Variants in ALAS2 observed in about 807,000 individuals in gnomAD.
The protein encoded by ALAS2 is 5'-aminolevulinate synthase 2, also known as 5-aminolevulinate synthase, erythroid-specific, mitochondrial.
In ALAS2, 3 loss-of-function variants were observed where a neutral mutation model predicts 33.7. The ratio of observed to expected loss-of-function variants is 0.09; its 90% CI spans 0.04 to 0.23. The LOEUF is 0.23. ALAS2 is among the 10% of genes least tolerant of loss of function. The pLI is 1.00. For synonymous variants in ALAS2, 191 were observed against 177.3 expected (o/e 1.08, Z -0.61); for missense variants, 304 against 475.1 (o/e 0.64, Z 3.35).
At chrX:55,010,508 A>T (rs1328641832) in intron 10 of ALAS2, among the ~76,000 whole-genome samples, 1 of 110,402 alleles carries the variant, frequency 9.1e-6, no homozygotes. Context: ...CATTCCACCC[A>T]CACCCATCTT....
rs1388506604 is a variant in ALAS2, at chrX:55,015,963, G to C, written c.1004-221C>G. 0.029 allele frequency among the ~76,000 whole-genome samples: 937 copies of C among 32,869 alleles called. 12 individuals are homozygous for C. The highest frequency in any genetic ancestry group is 0.13 in the African/African-American group (784 of 5,829). 28.5% of individuals were successfully genotyped at this position (32,869 alleles called of 115,157 possible). A position where few individuals can be genotyped will look rare whatever the true frequency, so the allele number is the denominator to read the frequency against. Reference sequence around the variant, plus strand: ...TCTCTCTCTCTCTCTGTCTCTCTGTGTGTGTGTGTGTGTGTGTGTGTGTGT... The same window carrying C: ...TCTCTCTCTCTCTCTGTCTCTCTGTCTGTGTGTGTGTGTGTGTGTGTGTGT... On this transcript the variant is annotated intron_variant, in intron 7 of 10. Coordinates refer to ENST00000650242, the MANE Select transcript of ALAS2 (RefSeq NM_000032.5).
At chrX:55,020,135 C>T (rs780111070) in intron 6 of ALAS2, among the ~76,000 whole-genome samples, 185 bp downstream of exon 6, 5 of 111,544 alleles carry the variant, frequency 4.5e-5, no homozygotes, top group African/African-American at 1.6e-4. Context: ...GTCCTCTCTA[C>T]GTGCAGAAGG....
intron 10 of ALAS2, among the ~76,000 whole-genome samples, chrX:55,012,092 T>TTGAA (rs1289525932): frequency 8.9e-6 from 1 of 111,862 alleles, no homozygotes; most frequent in African/African-American, 3.3e-5. Context: ...TTTAATGTTT[T>TTGAA]TGAATGAATG....
At chrX:55,025,052 A>G (rs183079183) in intron 2 of ALAS2, among the ~76,000 whole-genome samples, 1 of 111,388 alleles carries the variant, frequency 9.0e-6, no homozygotes, top group African/African-American at 3.3e-5. Flanking sequence ...GCTGGGATAG[A>G]GGAAGTACAT....
At chrX:55,028,640 G>T (rs1413725110) in intron 1 of ALAS2, among the ~76,000 whole-genome samples, 1 of 111,479 alleles carries the variant, frequency 9.0e-6, no homozygotes, top group Non-Finnish European at 1.9e-5. Flanking sequence ...GAATTCTCAA[G>T]TTCTTTCAAG....
At chrX:55,021,436 CTTCA>C (rs1219029866) in intron 4 of ALAS2, among the ~76,000 whole-genome samples, 162 bp from the exon 5 acceptor site, 1 of 112,494 alleles carries the variant, frequency 8.9e-6, no homozygotes, top group Non-Finnish European at 1.9e-5. Flanking sequence ...CTCTCTACTA[CTTCA>C]TTCAGCCATC....
At chrX:55,023,191 GGTGTGTGTGTGT>G (rs747543670) in intron 4 of ALAS2, among the ~76,000 whole-genome samples, 2 of 98,687 alleles carry the variant, frequency 2.0e-5, no homozygotes, top group African/African-American at 7.4e-5. Context: ...GAGAGCAGAG[GGTGTGTGTGTGT>G]GTGTGTGTGT....
In ALAS2 at chrX:55,021,270, G is replaced by A. The variant is rs749037026; in HGVS notation, c.420C>T (p.Asn140=). 5 of 1,201,266 alleles carry A rather than the reference G, an allele frequency of 4.2e-6. No individual in the cohort carries two copies. The South Asian group carries it at 5.3e-5, about 13-fold the overall frequency. Residue 140 remains asparagine (N), a synonymous_variant, in exon 5 of 11, where the codon AAC becomes AAT. Transcript: ENST00000650242. ...AAAACTGGTCATAACTGAAGACATAGTTTCCTGCAGGAGCAGATATGAGGA... is the reference window on the plus strand; with the variant it reads ...AAAACTGGTCATAACTGAAGACATAATTTCCTGCAGGAGCAGATATGAGGA... The part of the protein sequence containing the change: ...THLIQNNMPG[N]YVFSYDQFFR...
intron 7 of ALAS2, 73 bp downstream of exon 7, chrX:55,017,410 GTCA>G (rs1267925419): frequency 3.0e-4 from 282 of 927,279 alleles, no homozygotes; most frequent in Non-Finnish European, 4.1e-4. Context: ...TAATGTTATC[GTCA>G]TCATCATCAT....
At position 55,017,597 on chromosome X, in the gene ALAS2, C is replaced by T; in HGVS notation, c.892G>A (p.Ala298Thr). 8.3e-7 allele frequency: 1 copy of T among 1,211,611 alleles called. No individual in the cohort carries two copies. Among genetic ancestry groups the T allele is most frequent in the Non-Finnish European group, 1.1e-6 (1 of 895,441 alleles). Reference protein sequence around the residue: ...MIQGIRNSGAAKFVFRHNDPD... With the variant: ...MIQGIRNSGATKFVFRHNDPD... Reference sequence around the variant, plus strand: ...TCATTGTGCCTGAAGACAAACTTGGCTGCTCCACTGTTACGGATACCTTGG... The same window carrying T: ...TCATTGTGCCTGAAGACAAACTTGGTTGCTCCACTGTTACGGATACCTTGG... The change falls in exon 7 of 11, where the codon GCC becomes ACC. Residue 298 changes from alanine (A) to threonine (T), a missense_variant. Around this residue, in one of 3 missense-constraint regions of ALAS2, gnomAD observed 138 missense variants for 265.3 expected, o/e 0.52. Coordinates refer to ENST00000650242, the MANE Select transcript of ALAS2 (RefSeq NM_000032.5).
intron 8 of ALAS2, among the ~76,000 whole-genome samples, chrX:55,015,216 A>G (rs1338357710): frequency 9.0e-6 from 1 of 110,772 alleles, no homozygotes; most frequent in Non-Finnish European, 1.9e-5. Context: ...AAGTCTTGCC[A>G]TATGCAATGA....
chrX:55,020,227 C>G, intron 6 of ALAS2, 93 bp downstream of exon 6: 1 of 933,939 alleles, frequency 1.1e-6, no homozygotes, highest in African/African-American at 1.9e-5. Flanking sequence ...AGTGAGGGAA[C>G]TCCAAATACA....
chrX:55,020,859 A>G (rs1935793117), intron 5 of ALAS2, among the ~76,000 whole-genome samples, 193 bp downstream of exon 5: 1 of 112,139 alleles, frequency 8.9e-6, no homozygotes, highest in Non-Finnish European at 1.9e-5. Flanking sequence ...ATAGCATTGG[A>G]CACCGAAGAG....
chrX:55,014,597 T>A, intron 9 of ALAS2, 150 bp downstream of exon 9: 1 of 768,696 alleles, frequency 1.3e-6, no homozygotes, highest in East Asian at 3.6e-5. Context: ...GGCTGATAAT[T>A]TTTCAAAAAG....
rs1217729681 is a variant in ALAS2 at position 55,009,369 on chromosome X, G to A, written c.1601-26C>T. The A allele has an allele frequency of 2.6e-6, 3 of 1,169,073 alleles. No individual in the cohort carries two copies. In the African/African-American group the frequency reaches 5.4e-5, roughly 21 times the overall value. Reference sequence around the variant, plus strand: ...CTGAAGGTGGTAGGGGGAGGGGAGGGAAAAAATGGGTTAGACTAGATCTTC... The same window carrying A: ...CTGAAGGTGGTAGGGGGAGGGGAGGAAAAAAATGGGTTAGACTAGATCTTC... On this transcript the variant is annotated intron_variant, in intron 10 of 10. Coordinates refer to ENST00000650242, the MANE Select transcript of ALAS2 (RefSeq NM_000032.5).
intron 2 of ALAS2, among the ~76,000 whole-genome samples, chrX:55,025,258 G>C (rs746375659): frequency 6.1e-4 from 68 of 111,996 alleles, no homozygotes; most frequent in African/African-American, 2.2e-3. Flanking sequence ...CAGAATAGTT[G>C]ATTTAGGCAA....
Position 55,017,571 on chromosome X carries a change from G to A in ALAS2, c.918C>T (p.Asp306=). 8.3e-7 allele frequency: 1 copy of A among 1,210,717 alleles called. No homozygotes were observed. Among genetic ancestry groups the A allele is most frequent in the Non-Finnish European group, 1.1e-6 (1 of 894,728 alleles). The change falls in exon 7 of 11, where the codon GAC becomes GAT. Residue 306 remains aspartate (D), a synonymous_variant. Transcript: ENST00000650242. ...GAAKFVFRHN[D]PDHLKKLLEK... is the part of the protein sequence containing the mutation. ...CTAGAAGTTTCTTTAGGTGGTCAGG[G>A]TCATTGTGCCTGAAGACAAACTTGG...
chrX:55,019,267 G>C (rs769813044), intron 6 of ALAS2, among the ~76,000 whole-genome samples: 1 of 111,203 alleles, frequency 9.0e-6, no homozygotes, highest in Non-Finnish European at 1.9e-5. Flanking sequence ...AGGTGGTAGA[G>C]GGGAATGGGG....
rs137852304 is a variant in ALAS2 at position 55,021,176 on chromosome X, C to T, written c.514G>A (p.Ala172Thr). 12 of 1,211,483 alleles carry T rather than the reference C, an allele frequency of 9.9e-6. No individual in the cohort carries two copies. The highest frequency in any genetic ancestry group is 1.3e-5 in the Non-Finnish European group (12 of 895,239). ...TGTTGGGCAAAGGGATATGCATCAG[C>T]CCAGCGGTTCACAGTCTTGAACACA... The part of the protein sequence containing the change: ...YRVFKTVNRW[A>T]DAYPFAQHFS... The change falls in exon 5 of 11, where the codon GCT becomes ACT. Residue 172 changes from alanine to threonine, a missense_variant. Transcript: ENST00000650242.
Sources: allele counts gnomAD v4.1 joint callset (sites outside exome capture counted in the v4.1 genomes callset), GRCh38; gene constraint gnomAD v4.1.1; regional missense constraint gnomAD v4.1.1; transcripts MANE v1.5; gene names NCBI Gene and HGNC (gene_info 2026-07-23, HGNC 2026-07-21).